Variants in ANKS1B observed in about 807,000 individuals in gnomAD.
ANKS1B encodes ankyrin repeat and sterile alpha motif domain containing 1B.
Under a neutral mutation model 148.3 loss-of-function variants are expected in ANKS1B, and 36 were observed. The ratio of observed to expected loss-of-function variants is 0.24; its 90% CI spans 0.19 to 0.32. The LOEUF is 0.32. Among genes scored for constraint, ANKS1B ranks in the 10% least tolerant of loss-of-function variants. The pLI is 1.00. For missense variants in ANKS1B, 1,157 were observed against 1,542.6 expected, an observed-to-expected ratio of 0.75 and a Z score of 4.19; for synonymous variants, 542 against 560.8, an observed-to-expected ratio of 0.97 and a Z score of 0.47.
chr12:99,716,636 A>G (rs1369439658), intron 8 of ANKS1B, among the ~76,000 whole-genome samples: 1 of 152,086 alleles, frequency 6.6e-6, no homozygotes, highest in Non-Finnish European at 1.5e-5. Flanking sequence ...GATCTAAATA[A>G]TTCTTGTCGT....
Position 98,832,013 on chromosome 12 carries a change from T to A in ANKS1B, c.2886+16A>T, listed in dbSNP as rs535402914. The stretch of plus-strand genomic sequence containing the variant: ...AGATAAGGGCAGAGAACCAGATGAA[T>A]GTGCTTGGCACTTACCCTGAGGGTG... On this transcript the variant is annotated intron_variant, in intron 18 of 26. Transcript: ENST00000683438. 18 of 1,567,262 alleles carry A rather than the reference T, an allele frequency of 1.1e-5. No individual in the cohort carries two copies. The highest frequency in any genetic ancestry group is 1.4e-5 in the Non-Finnish European group (16 of 1,153,524).
chr12:99,275,746 C>A (rs919345035), intron 12 of ANKS1B, among the ~76,000 whole-genome samples: 8 of 152,108 alleles, frequency 5.3e-5, no homozygotes, highest in African/African-American at 1.9e-4. Context: ...ATACCATATT[C>A]AAACATAAAT....
intron 6 of ANKS1B, among the ~76,000 whole-genome samples, chr12:99,779,527 T>C (rs1210924326): frequency 6.6e-6 from 1 of 152,162 alleles, no homozygotes; most frequent in Non-Finnish European, 1.5e-5. Flanking sequence ...CTGAAAGTAT[T>C]ATTCAAATGT....
chr12:99,383,864 A>G lies in ANKS1B; in HGVS notation c.1756+15767T>C, dbSNP rs535277821. On this transcript the variant is annotated intron_variant, in intron 12 of 26. Transcript: ENST00000683438. ...CCCATCTCTACAAAAAAAAAAAAAA[A>G]AAAGAAAAGAAAAGAAGTAACTGGG... 2.9e-5 allele frequency among the ~76,000 whole-genome samples: 4 copies of G among 139,600 alleles called. No individual in the cohort carries two copies. The East Asian group carries it at 8.4e-4, about 29-fold the overall frequency. The allele number at this position is 139,600 out of a possible 152,430, so 91.6% of individuals were successfully genotyped here. A position where few individuals can be genotyped will look rare whatever the true frequency, so the allele number is the denominator to read the frequency against.
At position 99,246,640 on chromosome 12, in the gene ANKS1B, C is replaced by G; in HGVS notation, c.1981G>C (p.Val661Leu). The change falls in exon 13 of 27, where the codon GTA becomes CTA. Residue 661 changes from valine to leucine, a missense_variant. Coordinates refer to ENST00000683438, the MANE Select transcript of ANKS1B (RefSeq NM_001352186.2). ...ACCACTTTGGGTTTAATTTTCTTTA[C>G]CAAAGGTTCTGAGTTATTTTCTATT... ...SPIENNSEPL[V>L]KKIKPKVVSR... 6.2e-7 allele frequency: 1 copy of G among 1,613,582 alleles called. No homozygotes were observed. The highest frequency in any genetic ancestry group is 8.5e-7 in the Non-Finnish European group (1 of 1,179,776).
At chr12:99,800,662 C>T (rs965835894) in intron 4 of ANKS1B, among the ~76,000 whole-genome samples, 1 of 151,940 alleles carries the variant, frequency 6.6e-6, no homozygotes, top group African/African-American at 2.4e-5. Context: ...TGCCTTTTGA[C>T]AAAATGGGAA....
At chr12:99,003,629 G>A (rs973266012) in intron 17 of ANKS1B, among the ~76,000 whole-genome samples, 1 of 152,102 alleles carries the variant, frequency 6.6e-6, no homozygotes, top group African/African-American at 2.4e-5. Context: ...GTATATTTAT[G>A]TGTGTACCTA....
chr12:98,834,574 G>A (rs1595033410), intron 17 of ANKS1B, among the ~76,000 whole-genome samples: 1 of 152,244 alleles, frequency 6.6e-6, no homozygotes, highest in East Asian at 1.9e-4. Context: ...CCAGGCAGAA[G>A]CCCATCTGCC....
Position 98,782,116 on chromosome 12 carries a change from A to G in ANKS1B, c.3354+10T>C, listed in dbSNP as rs1010383526. The G allele has an allele frequency of 4.4e-6, 7 of 1,597,860 alleles. No homozygotes were observed. The highest frequency in any genetic ancestry group is 1.7e-4 in the Middle Eastern group (1 of 6,042). On this transcript the variant is annotated intron_variant, in intron 23 of 26. Transcript: ENST00000683438. ...AGTAATAATCACACTAAACATCAAG[A>G]AGAACCTACCTGACAGTTAGCCTGG...
At chr12:99,193,630 T>C (rs896455674) in intron 14 of ANKS1B, among the ~76,000 whole-genome samples, 3 of 152,078 alleles carry the variant, frequency 2.0e-5, no homozygotes, top group African/African-American at 7.2e-5. Flanking sequence ...GTTGTGAACC[T>C]TGTGATGGGT....
intron 19 of ANKS1B, among the ~76,000 whole-genome samples, chr12:98,818,879 G>A (rs1007056806): frequency 2.0e-5 from 3 of 152,138 alleles, no homozygotes; most frequent in Non-Finnish European, 4.4e-5. Flanking sequence ...GATGTTTATT[G>A]AGACCCCACC....
intron 8 of ANKS1B, among the ~76,000 whole-genome samples, chr12:99,701,919 T>G (rs1469471703): frequency 6.6e-6 from 1 of 152,168 alleles, no homozygotes; most frequent in Non-Finnish European, 1.5e-5. Context: ...ATGTGCCACA[T>G]TTTCTTTATC....
chr12:99,041,278 G>C (rs572453473), intron 17 of ANKS1B, among the ~76,000 whole-genome samples: 1 of 152,132 alleles, frequency 6.6e-6, no homozygotes, highest in African/African-American at 2.4e-5. Context: ...AAAAATATTG[G>C]TTGCACACCC....
At chr12:99,010,392 A>G (rs1486915595) in intron 17 of ANKS1B, among the ~76,000 whole-genome samples, 3 of 152,240 alleles carry the variant, frequency 2.0e-5, no homozygotes, top group Non-Finnish European at 4.4e-5. Flanking sequence ...AGTTGTTATT[A>G]GTATGCTTTC....
chr12:99,445,179 A>G (rs1335638395), intron 10 of ANKS1B, among the ~76,000 whole-genome samples: 1 of 152,022 alleles, frequency 6.6e-6, no homozygotes, highest in Non-Finnish European at 1.5e-5. Flanking sequence ...TCAATACTGA[A>G]ACACACAAAA....
At chr12:99,209,134 G>A (rs1332256748) in intron 14 of ANKS1B, among the ~76,000 whole-genome samples, 1 of 152,156 alleles carries the variant, frequency 6.6e-6, no homozygotes, top group Non-Finnish European at 1.5e-5. Flanking sequence ...TCTGAAGTCT[G>A]CCTTGGTTTG....
intron 14 of ANKS1B, among the ~76,000 whole-genome samples, chr12:99,168,388 G>A (rs916098309): frequency 1.3e-4 from 19 of 151,972 alleles, no homozygotes; most frequent in Middle Eastern, 3.4e-3. Flanking sequence ...GTGTGGTGGC[G>A]GGAGCCTATA....
chr12:99,112,944 A>G (rs934603297), intron 15 of ANKS1B, among the ~76,000 whole-genome samples: 2 of 152,212 alleles, frequency 1.3e-5, no homozygotes, highest in South Asian at 4.1e-4. Context: ...ATAAGACACA[A>G]TCCTCAGCAC....
chr12:99,095,814 T>C (rs990141252), intron 15 of ANKS1B, among the ~76,000 whole-genome samples: 3 of 152,188 alleles, frequency 2.0e-5, no homozygotes, highest in African/African-American at 7.2e-5. Flanking sequence ...TGTGTGTGTT[T>C]GTGTGTCAAT....
Sources: gnomAD v4.1 joint callset for allele counts (sites outside exome capture counted in the v4.1 genomes callset) on GRCh38, gnomAD v4.1.1 for gene constraint, MANE v1.5 for transcripts, NCBI Gene and HGNC (gene_info 2026-07-23, HGNC 2026-07-21) for gene names.